Variants in B4GALT1 observed in about 807,000 individuals in gnomAD.
The protein encoded by B4GALT1 is N-acetyllactosamine synthase.
A neutral mutation model predicts 34.9 loss-of-function variants in B4GALT1; 16 were observed. The observed-to-expected ratio is 0.46, with a 90% CI of 0.31 to 0.70. The LOEUF is 0.70. Among genes scored for constraint, B4GALT1 ranks in the 30% least tolerant of loss-of-function variants. The pLI is 0.05. For missense variants in B4GALT1, 445 were observed against 530.5 expected (o/e 0.84, Z 1.58); for synonymous variants, 221 against 218.1 (o/e 1.01, Z -0.12).
At chr9:33,142,399 C>A (rs1318948614) in intron 1 of B4GALT1, among the ~76,000 whole-genome samples, 1 of 152,140 alleles carries the variant, frequency 6.6e-6, no homozygotes, top group African/African-American at 2.4e-5. Flanking sequence ...TGACCCCCTC[C>A]CTATCCCATT....
upstream of B4GALT1, among the ~76,000 whole-genome samples, chr9:33,169,656 GAT>G (rs1217166681): frequency 1.3e-5 from 2 of 151,908 alleles, no homozygotes; most frequent in East Asian, 3.9e-4. Flanking sequence ...GAGTAGCTGG[GAT>G]TACAGGTGCC....
Position 33,113,325 on chromosome 9 carries a change from T to C in B4GALT1, c.*129A>G. ...CGTCCTGGTCATCTGGAAAGCCATC[T>C]GAATGATGAGCGAAGGGGACCTGTC... is the stretch of plus-strand genomic sequence containing the variant. On this transcript the variant is annotated 3_prime_UTR_variant, in exon 6 of 6. Coordinates refer to ENST00000379731, the MANE Select transcript of B4GALT1 (RefSeq NM_001497.4). 7.1e-7 allele frequency: 1 copy of C among 1,411,112 alleles called. No homozygotes were observed. The highest frequency in any genetic ancestry group is 1.2e-5 in the South Asian group (1 of 85,818). 87.4% of individuals were successfully genotyped at this position (1,411,112 alleles called of 1,614,324 possible).
In B4GALT1 at chr9:33,167,209, G is replaced by A. The variant is rs984669503; in HGVS notation, c.-40C>T. The A allele has an allele frequency of 6.6e-7, 1 of 1,518,552 alleles. No homozygotes were observed. Among genetic ancestry groups the A allele is most frequent in the Non-Finnish European group, 8.8e-7 (1 of 1,139,232 alleles). The allele number at this position is 1,518,552 out of a possible 1,614,324, so 94.1% of individuals were successfully genotyped here. ...TTTAAGAAGGGTGTGGGCTACAGGAGGGGAGGCGACCCGCCCGCGGGCCGC... is the reference window on the plus strand; with the variant it reads ...TTTAAGAAGGGTGTGGGCTACAGGAAGGGAGGCGACCCGCCCGCGGGCCGC... On this transcript the variant is annotated 5_prime_UTR_variant, in exon 1 of 6. Coordinates refer to ENST00000379731, the MANE Select transcript of B4GALT1 (RefSeq NM_001497.4).
downstream of B4GALT1, among the ~76,000 whole-genome samples, chr9:33,105,652 A>G (rs2481062): frequency 0.035 from 5,280 of 152,092 alleles, 291 homozygotes; most frequent in African/African-American, 0.12. Flanking sequence ...GCCCCTGACA[A>G]CCACCATTCT....
intron 1 of B4GALT1, among the ~76,000 whole-genome samples, chr9:33,166,151 A>G (rs1840748742): frequency 1.3e-5 from 2 of 152,176 alleles, no homozygotes; most frequent in Admixed American, 1.3e-4. Flanking sequence ...TACCCTCATT[A>G]ATTAAGCCCT....
the B4GALT1 span, among the ~76,000 whole-genome samples, chr9:33,173,591 G>GGTGTGTGTGT: frequency 0.018 from 2,525 of 143,136 alleles, 33 homozygotes; most frequent in Non-Finnish European, 0.026. Context: ...AAATAAGAAT[G>GGTGTGTGTGT]GTGTGTGTGT....
downstream of B4GALT1, among the ~76,000 whole-genome samples, chr9:33,110,469 A>G (rs1415605356): frequency 6.6e-6 from 1 of 152,178 alleles, no homozygotes; most frequent in Non-Finnish European, 1.5e-5. Context: ...AAAAGTCCCT[A>G]TGTGTTATTA....
In B4GALT1 at chr9:33,111,011, C is replaced by A. The variant is rs1463778315; in HGVS notation, c.*2443G>T. 1 of 152,244 alleles carries A rather than the reference C, an allele frequency of 6.6e-6. No individual in the cohort carries two copies. The highest frequency in any genetic ancestry group is 2.4e-5 in the African/African-American group (1 of 41,408). 9.4% of individuals were successfully genotyped at this position (152,244 alleles called of 1,614,324 possible). ...AAAAGGGCACGGCACATGACAACTT[C>A]GCGGTCATAACTCCCAGGAAAAGGA... On this transcript the variant is annotated 3_prime_UTR_variant, in exon 6 of 6. Coordinates refer to ENST00000379731, the MANE Select transcript of B4GALT1 (RefSeq NM_001497.4).
intron 4 of B4GALT1, among the ~76,000 whole-genome samples, chr9:33,114,474 C>T (rs1421855956): frequency 6.6e-6 from 1 of 152,182 alleles, no homozygotes; most frequent in African/African-American, 2.4e-5. Flanking sequence ...CTCAGAGCAT[C>T]CCACAAACGG....
intron 2 of B4GALT1, among the ~76,000 whole-genome samples, chr9:33,123,172 G>A (rs568071208): frequency 1.3e-5 from 2 of 151,780 alleles, no homozygotes; most frequent in East Asian, 3.9e-4. Context: ...TAGCTACTCA[G>A]GAGGCTGAGG....
intron 2 of B4GALT1, among the ~76,000 whole-genome samples, chr9:33,132,651 A>G (rs1840210834): frequency 6.6e-6 from 1 of 152,222 alleles, no homozygotes; most frequent in Non-Finnish European, 1.5e-5. Context: ...GAGGACATTC[A>G]GAAATCTACT....
chr9:33,129,477 A>G (rs1840161701), intron 2 of B4GALT1, among the ~76,000 whole-genome samples: 1 of 152,152 alleles, frequency 6.6e-6, no homozygotes. Flanking sequence ...AGAGGCACAG[A>G]TTTAGGCAGA....
At chr9:33,116,654 C>G (rs1258494783) in intron 3 of B4GALT1, among the ~76,000 whole-genome samples, 1 of 151,576 alleles carries the variant, frequency 6.6e-6, no homozygotes, top group East Asian at 1.9e-4. Flanking sequence ...TCCCAAGTAG[C>G]TGGGACTACA....
chr9:33,137,595 C>G (rs1840289276), intron 1 of B4GALT1, among the ~76,000 whole-genome samples: 1 of 152,134 alleles, frequency 6.6e-6, no homozygotes, highest in South Asian at 2.1e-4. Flanking sequence ...CCAAACCTAT[C>G]ACAAGAATTG....
chr9:33,128,778 G>C (rs890096379), intron 2 of B4GALT1, among the ~76,000 whole-genome samples: 2 of 152,122 alleles, frequency 1.3e-5, no homozygotes, highest in Non-Finnish European at 2.9e-5. Flanking sequence ...AACCAATGAG[G>C]CCATAAGCCC....
chr9:33,122,969 C>T (rs1386650148), intron 2 of B4GALT1, among the ~76,000 whole-genome samples: 1 of 151,366 alleles, frequency 6.6e-6, no homozygotes, highest in East Asian at 1.9e-4. Context: ...CATGGTGAAA[C>T]CCCATCTCTA....
At chr9:33,158,929 G>A (rs1345957165) in intron 1 of B4GALT1, among the ~76,000 whole-genome samples, 2 of 152,040 alleles carry the variant, frequency 1.3e-5, no homozygotes, top group Admixed American at 6.5e-5. Context: ...TCTCTTCCTG[G>A]GGGGAGGGGG....
intron 1 of B4GALT1, among the ~76,000 whole-genome samples, chr9:33,161,244 T>C (rs895503501): frequency 6.6e-6 from 1 of 152,170 alleles, no homozygotes; most frequent in Non-Finnish European, 1.5e-5. Flanking sequence ...CCTGAAGCAC[T>C]GAGTGTGTGA....
intron 2 of B4GALT1, among the ~76,000 whole-genome samples, chr9:33,121,282 A>G (rs1028482588): frequency 1.3e-5 from 2 of 152,266 alleles, no homozygotes; most frequent in African/African-American, 4.8e-5. Flanking sequence ...GCAAGACAGA[A>G]GAGGGACACC....
Sources: allele counts gnomAD v4.1 joint callset (sites outside exome capture counted in the v4.1 genomes callset), GRCh38; gene constraint gnomAD v4.1.1; transcripts MANE v1.5; gene names NCBI Gene and HGNC (gene_info 2026-07-23, HGNC 2026-07-21).